The following TTC34 variants were observed in gnomAD, a reference collection of about 807,000 sequenced individuals.
TTC34 encodes the protein tetratricopeptide repeat protein 34.
TTC34 carries 44 observed loss-of-function variants against 40.7 expected under a neutral mutation model. That is an observed-to-expected ratio of 1.08 (90% CI 0.85 to 1.39). TTC34 has a LOEUF of 1.39. Among genes scored for constraint, TTC34 ranks in the 40% most tolerant of loss-of-function variants. The probability of loss-of-function intolerance (pLI) is 0.00; values close to 1 mark genes in which losing one functional copy is unlikely to be tolerated. For synonymous variants in TTC34, 422 were observed against 398.6 expected, an observed-to-expected ratio of 1.06 and a Z score of -0.70; for missense variants, 884 against 838.0, an observed-to-expected ratio of 1.05 and a Z score of -0.68.
At position 2,755,943 on chromosome 1, in the gene TTC34, A is replaced by T. The variant is rs1641490461; in HGVS notation, c.2226+27666T>A. 3.9e-5 allele frequency among the ~76,000 whole-genome samples: 3 copies of T among 76,640 alleles called. 1 individual carries two copies. Among genetic ancestry groups the T allele is most frequent in the Non-Finnish European group, 6.8e-5 (3 of 44,420 alleles). The allele number at this position is 76,640 out of a possible 152,430, so 50.3% of individuals were successfully genotyped here. A position where few individuals can be genotyped will look rare whatever the true frequency, so the allele number is the denominator to read the frequency against. On this transcript the variant is annotated intron_variant, in intron 6 of 8. Coordinates refer to ENST00000401095, the Ensembl canonical transcript of TTC34. ...CTGACAGCCTGGAGCAGCACCCTGC[A>T]CCCCCAGGTGAGGATCTGACAGCCT...
intron 6 of TTC34, among the ~76,000 whole-genome samples, chr1:2,652,326 C>G (rs995039571): frequency 2.6e-5 from 4 of 151,320 alleles, no homozygotes; most frequent in East Asian, 1.9e-4. Flanking sequence ...GCACCCACAC[C>G]CCCAGGTGAG....
chr1:2,688,225 G>C (rs1234703483), intron 6 of TTC34, among the ~76,000 whole-genome samples: 1 of 125,444 alleles, frequency 8.0e-6, no homozygotes, highest in South Asian at 2.5e-4. Context: ...GGGAGCATCC[G>C]ACAGCCTGGA....
At chr1:2,792,685 G>T (rs540022211) in intron 2 of TTC34, among the ~76,000 whole-genome samples, 1 of 152,302 alleles carries the variant, frequency 6.6e-6, no homozygotes, top group African/African-American at 2.4e-5. Context: ...AGTTCTGTAG[G>T]CTGGAGATTT....
chr1:2,653,286 A>AC (rs1639213055), intron 6 of TTC34, among the ~76,000 whole-genome samples: 1 of 144,346 alleles, frequency 6.9e-6, no homozygotes, highest in Admixed American at 6.9e-5. Flanking sequence ...AGCACCCTGC[A>AC]CCCCCAGGTG....
At chr1:2,781,477 G>A (rs1278971452) in intron 6 of TTC34, among the ~76,000 whole-genome samples, 1 of 152,192 alleles carries the variant, frequency 6.6e-6, no homozygotes, top group East Asian at 1.9e-4. Flanking sequence ...TCTGTGAACA[G>A]AGATAATTTT....
exon 9 of TTC34, chr1:2,641,477 G>T: frequency 1.3e-6 from 2 of 1,535,726 alleles, no homozygotes; most frequent in Non-Finnish European, 1.7e-6. Context: ...CGCCGTCCAG[G>T]CCTCTGCGTG....
intron 6 of TTC34, among the ~76,000 whole-genome samples, chr1:2,683,715 C>A (rs1326269787): frequency 1.3e-5 from 2 of 151,260 alleles, no homozygotes; most frequent in Non-Finnish European, 2.9e-5. Flanking sequence ...CACCCACACC[C>A]CCAGGTGAGC....
chr1:2,797,447 G>A (rs1643719477), intron 2 of TTC34, among the ~76,000 whole-genome samples: 1 of 151,932 alleles, frequency 6.6e-6, no homozygotes, highest in Non-Finnish European at 1.5e-5. Flanking sequence ...CCTCTCATTT[G>A]CACTGACCCT....
At chr1:2,752,977 C>A (rs1641374866) in intron 6 of TTC34, among the ~76,000 whole-genome samples, 9 of 148,022 alleles carry the variant, frequency 6.1e-5, no homozygotes, top group African/African-American at 1.5e-4. Flanking sequence ...ACCCATACCC[C>A]CAGGTGAGCA....
chr1:2,759,516 C>A (rs1641621734), intron 6 of TTC34, among the ~76,000 whole-genome samples: 4 of 148,324 alleles, frequency 2.7e-5, no homozygotes, highest in Non-Finnish European at 6.0e-5. Context: ...GCAGCACCCA[C>A]ACCCCCAGAT....
At chr1:2,785,706 G>T in intron 5 of TTC34, 113 bp downstream of exon 5, 1 of 1,204,270 alleles carries the variant, frequency 8.3e-7, no homozygotes, top group Non-Finnish European at 1.1e-6. Context: ...TGTTCCTGAG[G>T]CCCCTGCACC....
intron 6 of TTC34, among the ~76,000 whole-genome samples, chr1:2,657,428 C>G (rs1481987542): frequency 1.2e-5 from 1 of 82,706 alleles, no homozygotes; most frequent in South Asian, 3.6e-4. Context: ...TACCCCCAGG[C>G]GAGCATCTGA....
rs369506679 is a variant in TTC34, at chr1:2,683,455, C to T, written c.2227-37892G>A. On this transcript the variant is annotated intron_variant, in intron 6 of 8. Transcript: ENST00000401095. ...CACCCCCAGGTGAGCATCCGACAGC[C>T]TGGAGCAGCACCCACACCACCAGGC... 5.3e-5 allele frequency among the ~76,000 whole-genome samples: 8 copies of T among 150,428 alleles called. No individual in the cohort carries two copies. The East Asian group carries it at 7.8e-4, about 15-fold the overall frequency.
At chr1:2,752,402 C>A (rs1363387890) in intron 6 of TTC34, among the ~76,000 whole-genome samples, 1 of 131,840 alleles carries the variant, frequency 7.6e-6, no homozygotes, top group African/African-American at 3.1e-5. Context: ...CATGTAACAG[C>A]ACCCACACAC....
rs1386515304 is a variant in TTC34, at chr1:2,682,005, A to G, written c.2227-36442T>C. Among the ~76,000 whole-genome samples, 70 of 102,532 alleles carry G rather than the reference A, an allele frequency of 6.8e-4. 1 individual carries two copies. The highest frequency in any genetic ancestry group is 2.1e-3 in the African/African-American group (56 of 26,208). The allele number at this position is 102,532 out of a possible 152,430, so 67.3% of individuals were successfully genotyped here. A position where few individuals can be genotyped will look rare whatever the true frequency, so the allele number is the denominator to read the frequency against. On this transcript the variant is annotated intron_variant, in intron 6 of 8. Transcript: ENST00000401095. ...CCACACCCCCAGGTGAGCATCAGAC[A>G]GCCTGGAACAACACCCATACCCACA...
intron 6 of TTC34, among the ~76,000 whole-genome samples, chr1:2,764,330 C>G (rs1641729940): frequency 7.0e-6 from 1 of 142,644 alleles, no homozygotes; most frequent in African/African-American, 2.6e-5. Flanking sequence ...CAGCCTGGAG[C>G]AGCGCCCACA....
At chr1:2,775,386 C>G (rs1461143076) in intron 6 of TTC34, 1 of 149,606 alleles carries the variant, frequency 6.7e-6, no homozygotes, top group African/African-American at 2.6e-5. Context: ...AAGCAGCACC[C>G]TGCACCCCCA....
At position 2,755,600 on chromosome 1, in the gene TTC34, A is replaced by G. The variant is rs1265808285; in HGVS notation, c.2226+28009T>C. 3.3e-5 allele frequency among the ~76,000 whole-genome samples: 4 copies of G among 122,564 alleles called. 1 individual carries two copies. Among genetic ancestry groups the G allele is most frequent in the Admixed American group, 1.7e-4 (2 of 12,054 alleles). The allele number at this position is 122,564 out of a possible 152,430, so 80.4% of individuals were successfully genotyped here. On this transcript the variant is annotated intron_variant, in intron 6 of 8. Transcript: ENST00000401095. Reference sequence around the variant, plus strand: ...ACCCACACCTCCCGGCGAGCATCCGACAGCCTGGAGCAGCACCCACACACC... The same window carrying G: ...ACCCACACCTCCCGGCGAGCATCCGGCAGCCTGGAGCAGCACCCACACACC...
chr1:2,692,156 C>T (rs1386438048), intron 6 of TTC34, among the ~76,000 whole-genome samples: 2 of 75,938 alleles, frequency 2.6e-5, no homozygotes, highest in Non-Finnish European at 2.9e-5. Flanking sequence ...CCCAGGCGAG[C>T]ATCTGACGGC....
Sources: allele counts gnomAD v4.1 joint callset (sites outside exome capture counted in the v4.1 genomes callset), GRCh38; gene constraint gnomAD v4.1.1; transcripts MANE v1.5; gene names NCBI Gene and HGNC (gene_info 2026-07-23, HGNC 2026-07-21).